ZNF600: variants seen among roughly 807,000 people sequenced by gnomAD.
ZNF600 encodes zinc finger protein KR-ZNF1.
ZNF600 carries 4 observed loss-of-function variants against 7.3 expected under a neutral mutation model. The observed-to-expected ratio is 0.55, with a 90% CI of 0.27 to 1.25. The LOEUF (loss-of-function observed/expected upper bound fraction) is 1.25, where lower values mean the gene tolerates loss of function less well. ZNF600 is among the 50% of genes most tolerant of loss of function. The probability of loss-of-function intolerance (pLI) is 0.12; values close to 1 mark genes in which losing one functional copy is unlikely to be tolerated. For missense variants in ZNF600, 911 were observed against 922.1 expected (o/e 0.99, Z 0.16); for synonymous variants, 290 against 308.9 (o/e 0.94, Z 0.64).
At chr19:52,832,741 C>A in the ZNF600 span, among the ~76,000 whole-genome samples, 1 of 152,114 alleles carries the variant, frequency 6.6e-6, no homozygotes, top group Non-Finnish European at 1.5e-5. Flanking sequence ...TACTCCAGAA[C>A]TAAGCTACAG....
intron 2 of ZNF600, among the ~76,000 whole-genome samples, chr19:52,775,933 G>C (rs970489795): frequency 6.6e-6 from 1 of 151,894 alleles, no homozygotes; most frequent in Admixed American, 6.6e-5. Flanking sequence ...TTGAAACTGG[G>C]AGGTGGAGGA....
the ZNF600 span, among the ~76,000 whole-genome samples, chr19:52,794,753 G>T: frequency 6.6e-6 from 1 of 152,064 alleles, no homozygotes; most frequent in Non-Finnish European, 1.5e-5. Flanking sequence ...TATTTGGGAG[G>T]CGGACTGGGG....
At chr19:52,787,628 G>A (rs1427973692), upstream of ZNF600, among the ~76,000 whole-genome samples, 1 of 151,284 alleles carries the variant, frequency 6.6e-6, no homozygotes, top group Admixed American at 6.6e-5. Context: ...GGAGGCTGAG[G>A]CGGGCAGATC....
chr19:52,809,822 A>AGGCAGT, the ZNF600 span: 1 of 527,246 alleles, frequency 1.9e-6, no homozygotes, highest in Non-Finnish European at 3.3e-6. Flanking sequence ...TGAGCGGCGA[A>AGGCAGT]GGCGGCGGCG....
chr19:52,833,232 T>A, the ZNF600 span, among the ~76,000 whole-genome samples: 1 of 152,158 alleles, frequency 6.6e-6, no homozygotes, highest in African/African-American at 2.4e-5. Flanking sequence ...AGAGCTGACA[T>A]CCAGACATGA....
At chr19:52,784,883 C>T (rs10407941) in intron 1 of ZNF600, among the ~76,000 whole-genome samples, 26,456 of 152,130 alleles carry the variant, frequency 0.17, 2,451 homozygotes, top group African/African-American at 0.23. Context: ...CACACTATCA[C>T]ACCCGGTTAA....
chr19:52,815,659 C>A, the ZNF600 span, among the ~76,000 whole-genome samples: 1 of 146,160 alleles, frequency 6.8e-6, no homozygotes. Context: ...CCCATCTCTA[C>A]TAAAAATACA....
intron 2 of ZNF600, among the ~76,000 whole-genome samples, chr19:52,775,423 G>A (rs1020117495): frequency 2.0e-5 from 3 of 150,630 alleles, no homozygotes; most frequent in East Asian, 2.0e-4. Flanking sequence ...CGTGGTGCAG[G>A]CCTGTACTCC....
At chr19:52,789,945 G>T (rs1031993583), upstream of ZNF600, among the ~76,000 whole-genome samples, 2 of 151,980 alleles carry the variant, frequency 1.3e-5, no homozygotes, top group Non-Finnish European at 2.9e-5. Flanking sequence ...GTCAAAGGGG[G>T]TTTGTTCCCT....
chr19:52,768,097 A>G (rs1050882653), intron 3 of ZNF600, among the ~76,000 whole-genome samples: 4 of 152,122 alleles, frequency 2.6e-5, no homozygotes, highest in African/African-American at 4.8e-5. Flanking sequence ...TGTCACATCA[A>G]TGAAGAGAAA....
At chr19:52,809,826 G>GCGGCGGCT in the ZNF600 span, 1 of 318,840 alleles carries the variant, frequency 3.1e-6, no homozygotes, top group Non-Finnish European at 6.3e-6. Context: ...CGGCGAAGGC[G>GCGGCGGCT]GCGGCGGCGG....
the ZNF600 span, among the ~76,000 whole-genome samples, chr19:52,828,392 G>A: frequency 6.6e-6 from 1 of 151,998 alleles, no homozygotes; most frequent in African/African-American, 2.4e-5. Flanking sequence ...ATTTGAACCC[G>A]GGAGGCAGAA....
the ZNF600 span, among the ~76,000 whole-genome samples, chr19:52,813,485 G>A: frequency 1.6e-5 from 2 of 121,234 alleles, no homozygotes; most frequent in Non-Finnish European, 3.3e-5. Context: ...GGCGGGGGTG[G>A]TAGGAGGTTT....
At chr19:52,819,892 T>C in the ZNF600 span, among the ~76,000 whole-genome samples, 3 of 141,498 alleles carry the variant, frequency 2.1e-5, no homozygotes, top group Non-Finnish European at 3.0e-5. Context: ...CAGGGTCAAC[T>C]GTAGAACTAA....
chr19:52,821,367 A>T, the ZNF600 span, among the ~76,000 whole-genome samples: 1 of 152,144 alleles, frequency 6.6e-6, no homozygotes, highest in South Asian at 2.1e-4. Context: ...AAGTGTATAC[A>T]TTGCCCTGTA....
rs189394996 is a variant in ZNF600 at position 52,767,305 on chromosome 19, G to A, written c.658C>T (p.Gln220Ter). Residue 220 changes from glutamine to a stop codon, truncating the protein, a stop_gained, in exon 4 of 4, where the codon CAA (glutamine) becomes TAA (stop). Coordinates refer to ENST00000648973, the Ensembl canonical transcript of ZNF600. LOFTEE classifies it low-confidence loss of function (END_TRUNC). ...TCTCTCATGTATACTTCCTGTTTTT[G>A]TGGGAGTAGTGAAGAATTCGGGGAA... is the stretch of plus-strand genomic sequence containing the variant. The A allele has an allele frequency of 4.0e-5, 65 of 1,614,128 alleles. 2 individuals carry two copies. The Admixed American group carries it at 8.5e-4, about 21-fold the overall frequency.
At chr19:52,813,249 G>GGA in the ZNF600 span, among the ~76,000 whole-genome samples, 2 of 62,988 alleles carry the variant, frequency 3.2e-5, no homozygotes, top group Admixed American at 2.4e-4. Flanking sequence ...CTTGAATGGT[G>GGA]AAAAAAAAAA....
intron 2 of ZNF600, among the ~76,000 whole-genome samples, chr19:52,778,070 G>A (rs1568632058): frequency 1.3e-5 from 2 of 152,010 alleles, no homozygotes; most frequent in Non-Finnish European, 2.9e-5. Flanking sequence ...CTGGAGTGCA[G>A]TGGCATAATT....
chr19:52,780,691 G>A (rs748647909), intron 1 of ZNF600: 1 of 152,110 alleles, frequency 6.6e-6, no homozygotes, highest in Admixed American at 6.6e-5. Flanking sequence ...TCATGGCATT[G>A]CACTCCAGCC....
Sources: allele counts gnomAD v4.1 joint callset (sites outside exome capture counted in the v4.1 genomes callset), GRCh38; gene constraint gnomAD v4.1.1; transcripts MANE v1.5; gene names NCBI Gene and HGNC (gene_info 2026-07-23, HGNC 2026-07-21).